The following DLGAP4 variants were observed in gnomAD, a reference collection of about 807,000 sequenced individuals.
DLGAP4 encodes the protein DLG associated protein 4, also known as disks large-associated protein 4.
Under a neutral mutation model 86.9 loss-of-function variants are expected in DLGAP4, and 18 were observed. The ratio of observed to expected loss-of-function variants is 0.21; its 90% CI spans 0.14 to 0.31. The LOEUF (loss-of-function observed/expected upper bound fraction) is 0.31, where lower values mean the gene tolerates loss of function less well. Ranked by LOEUF, DLGAP4 falls within the 10% of genes least tolerant of loss-of-function variation. The pLI, the probability that DLGAP4 is intolerant of heterozygous loss-of-function variation, is 1.00. For missense variants in DLGAP4, 1,085 were observed against 1,362.6 expected (o/e 0.80, Z 3.21); for synonymous variants, 548 against 574.3 (o/e 0.95, Z 0.65).
intron 10 of DLGAP4, among the ~76,000 whole-genome samples, chr20:36,513,203 T>A (rs2036822879): frequency 6.6e-6 from 1 of 151,734 alleles, no homozygotes; most frequent in South Asian, 2.1e-4. Context: ...TTGGTTTTAC[T>A]CCAAGAAGAG....
chr20:36,482,429 T>C (rs2035228923), intron 7 of DLGAP4, among the ~76,000 whole-genome samples: 9 of 152,160 alleles, frequency 5.9e-5, no homozygotes, highest in Admixed American at 5.2e-4. Flanking sequence ...TGAGGCTCTT[T>C]CCAAGTAATA....
At chr20:36,361,866 C>A (rs1412631901) in intron 1 of DLGAP4, among the ~76,000 whole-genome samples, 1 of 151,476 alleles carries the variant, frequency 6.6e-6, no homozygotes, top group Non-Finnish European at 1.5e-5. Flanking sequence ...GTAGTCCCAG[C>A]TACTCGGGAG....
At chr20:36,383,803 G>T (rs764179123) in intron 2 of DLGAP4, among the ~76,000 whole-genome samples, 1 of 151,946 alleles carries the variant, frequency 6.6e-6, no homozygotes, top group Non-Finnish European at 1.5e-5. Flanking sequence ...GTGAAACGCC[G>T]TCTCTACTAA....
intron 6 of DLGAP4, 86 bp from the exon 7 acceptor site, chr20:36,446,611 C>A: frequency 7.5e-7 from 1 of 1,331,928 alleles, no homozygotes; most frequent in Non-Finnish European, 1.0e-6. Context: ...GACTGTCCAG[C>A]CCTGCCCTGA....
intron 2 of DLGAP4, among the ~76,000 whole-genome samples, chr20:36,405,177 G>A (rs1471744976): frequency 6.6e-6 from 1 of 152,264 alleles, no homozygotes; most frequent in Non-Finnish European, 1.5e-5. Context: ...AGGCCCCTTA[G>A]TCTAGGAAGA....
intron 10 of DLGAP4, among the ~76,000 whole-genome samples, chr20:36,513,955 CTG>C (rs1201479997): frequency 1.3e-5 from 2 of 152,118 alleles, no homozygotes; most frequent in Non-Finnish European, 2.9e-5. Flanking sequence ...ATATATGAGT[CTG>C]GGGATAGGTC....
At chr20:36,416,227 T>G (rs954730881) in intron 2 of DLGAP4, among the ~76,000 whole-genome samples, 2 of 152,210 alleles carry the variant, frequency 1.3e-5, no homozygotes, top group Non-Finnish European at 2.9e-5. Context: ...GTTCAAGCGA[T>G]TCTCCTGCCT....
At chr20:36,487,949 C>G (rs2035487504) in intron 7 of DLGAP4, among the ~76,000 whole-genome samples, 1 of 152,136 alleles carries the variant, frequency 6.6e-6, no homozygotes, top group Non-Finnish European at 1.5e-5. Context: ...TGCCTGTAAT[C>G]CCAGCACTTT....
intron 7 of DLGAP4, among the ~76,000 whole-genome samples, chr20:36,476,900 T>C (rs1428265956): frequency 5.3e-5 from 8 of 150,338 alleles, no homozygotes; most frequent in African/African-American, 2.0e-4. Flanking sequence ...TCCATTTTAG[T>C]CGGGGTGATC....
intron 2 of DLGAP4, among the ~76,000 whole-genome samples, chr20:36,429,548 C>T (rs574069751): frequency 2.0e-5 from 3 of 151,690 alleles, no homozygotes; most frequent in South Asian, 2.1e-4. Context: ...GCTGGCATTA[C>T]AAGCACACAC....
intron 1 of DLGAP4, among the ~76,000 whole-genome samples, chr20:36,320,388 A>G (rs1179417002): frequency 1.3e-5 from 2 of 151,738 alleles, no homozygotes; most frequent in East Asian, 3.9e-4. Flanking sequence ...GTGGGAGCTC[A>G]GGCAATGGGA....
rs367955150 is a variant in DLGAP4, at chr20:36,465,153, T to TC, written c.1648+18224dup. ...CTTTGTAGGAACTAGACAGCCCAGT[T>TC]CCCCCCCCATCCCCCCCACCCCCGC... On this transcript the variant is annotated intron_variant, in intron 7 of 12. Coordinates refer to ENST00000339266, the MANE Select transcript of DLGAP4 (RefSeq NM_001365621.2). 1,073 of 150,348 alleles carry TC rather than the reference T, an allele frequency of 7.1e-3. 6 individuals are homozygous for TC. The highest frequency in any genetic ancestry group is 0.014 in the Middle Eastern group (4 of 296). 9.3% of individuals were successfully genotyped at this position (150,348 alleles called of 1,614,324 possible).
intron 10 of DLGAP4, among the ~76,000 whole-genome samples, chr20:36,515,866 TAA>T (rs2037007262): frequency 6.6e-6 from 1 of 152,254 alleles, no homozygotes; most frequent in Admixed American, 6.5e-5. Flanking sequence ...AAAACATTTC[TAA>T]AAAGTGATTT....
intron 4 of DLGAP4, among the ~76,000 whole-genome samples, chr20:36,437,679 G>A (rs1452902919): frequency 6.6e-6 from 1 of 152,192 alleles, no homozygotes; most frequent in Non-Finnish European, 1.5e-5. Context: ...TTCAACTAGG[G>A]GGGACAGGAG....
At chr20:36,381,694 C>T (rs2031398413) in intron 2 of DLGAP4, among the ~76,000 whole-genome samples, 1 of 152,136 alleles carries the variant, frequency 6.6e-6, no homozygotes, top group Admixed American at 6.5e-5. Flanking sequence ...GGGGTAAGCC[C>T]CTTCCCTTCC....
intron 7 of DLGAP4, chr20:36,461,666 CGGCCCGG>C: frequency 2.3e-5 from 4 of 172,556 alleles, no homozygotes; most frequent in African/African-American, 3.1e-5. Flanking sequence ...CCGCCCCGCC[CGGCCCGG>C]CCCGGCCCTG....
chr20:36,310,874 G>A (rs2065047579), intron 1 of DLGAP4, among the ~76,000 whole-genome samples: 1 of 152,190 alleles, frequency 6.6e-6, no homozygotes, highest in Admixed American at 6.5e-5. Context: ...AGCTGTCACC[G>A]AGGAGTCCTG....
intron 7 of DLGAP4, among the ~76,000 whole-genome samples, chr20:36,466,013 C>G (rs1265934495): frequency 6.6e-6 from 1 of 152,140 alleles, no homozygotes; most frequent in Non-Finnish European, 1.5e-5. Flanking sequence ...GCAGGTCACG[C>G]CACCTTTCTG....
intron 2 of DLGAP4, among the ~76,000 whole-genome samples, chr20:36,372,672 G>A (rs2030990759): frequency 6.6e-6 from 1 of 152,070 alleles, no homozygotes; most frequent in Non-Finnish European, 1.5e-5. Flanking sequence ...AAATAATCCG[G>A]CAACTGCAAA....
Sources: allele counts gnomAD v4.1 joint callset (sites outside exome capture counted in the v4.1 genomes callset), GRCh38; gene constraint gnomAD v4.1.1; transcripts MANE v1.5; gene names NCBI Gene and HGNC (gene_info 2026-07-23, HGNC 2026-07-21).